The following TRIM11 variants were observed in gnomAD, a reference collection of about 807,000 sequenced individuals.
TRIM11 encodes the protein E3 ubiquitin-protein ligase TRIM11.
A neutral mutation model predicts 33.4 loss-of-function variants in TRIM11; 15 were observed. The observed-to-expected ratio is 0.45, with a 90% CI of 0.30 to 0.69. TRIM11 has a LOEUF of 0.69. Among genes scored for constraint, TRIM11 ranks in the 30% least tolerant of loss-of-function variants. The pLI is 0.08. For missense variants in TRIM11, 499 were observed against 667.6 expected, an observed-to-expected ratio of 0.75 and a Z score of 2.78; for synonymous variants, 281 against 302.6, an observed-to-expected ratio of 0.93 and a Z score of 0.74.
intron 4 of TRIM11, 27 bp from the exon 5 acceptor site, chr1:228,397,074 G>A (rs376528882): frequency 1.5e-5 from 25 of 1,613,402 alleles, no homozygotes; most frequent in Admixed American, 5.0e-5. Context: ...AGGTGTTGTC[G>A]CCATGGCCAA....
At chr1:228,399,405 G>T (rs2075012273) in intron 3 of TRIM11, among the ~76,000 whole-genome samples, 1 of 152,172 alleles carries the variant, frequency 6.6e-6, no homozygotes, top group Non-Finnish European at 1.5e-5. Context: ...TGGACGGGTG[G>T]GCCACTCAGC....
chr1:228,400,441 C>T lies in TRIM11; in HGVS notation c.735+523G>A, dbSNP rs1463629604. ...CAAGGAAAGCCCAGGCCCAGGGGGC[C>T]GGCTCAGGGAGTGGAGCCCACACAT... On this transcript the variant is annotated intron_variant, in intron 3 of 5. Transcript: ENST00000284551. This position sits in a 1 kb window ranked among gnomAD's most constrained non-coding sequence, Gnocchi z 4.5. 6.6e-6 allele frequency among the ~76,000 whole-genome samples: 1 copy of T among 152,194 alleles called. No individual in the cohort carries two copies. Among genetic ancestry groups the T allele is most frequent in the African/African-American group, 2.4e-5 (1 of 41,438 alleles).
chr1:228,404,831 C>T (rs938773971), intron 1 of TRIM11: 2 of 152,248 alleles, frequency 1.3e-5, no homozygotes, highest in South Asian at 4.1e-4. Flanking sequence ...CCACAATTCA[C>T]AAACCTTTGC....
At position 228,406,803 on chromosome 1, in the gene TRIM11, ATCCC is replaced by A. The variant is rs1656439951; in HGVS notation, c.-246_-243del. 5.8e-6 allele frequency: 1 copy of A among 171,106 alleles called. No individual in the cohort carries two copies. Among genetic ancestry groups the A allele is most frequent in the African/African-American group, 3.2e-5 (1 of 31,664 alleles). 10.6% of individuals were successfully genotyped at this position (171,106 alleles called of 1,614,324 possible). On this transcript the variant is annotated 5_prime_UTR_variant, in exon 1 of 6. Transcript: ENST00000284551. The surrounding 1 kb of genome is among the most constrained non-coding windows in gnomAD (Gnocchi z 8.2). ...CGCTCGGGGGACGCGGGACGTAGGG[ATCCC>A]GGATGCCGGCAGGAAGAGGAGCCGA...
At chr1:228,397,193 C>T (rs747244143) in intron 3 of TRIM11, 28 bp from the exon 4 acceptor site, 24 of 1,606,746 alleles carry the variant, frequency 1.5e-5, no homozygotes, top group East Asian at 4.5e-5. Flanking sequence ...ACAGCACACT[C>T]GGTGTCAGTG....
intron 3 of TRIM11, among the ~76,000 whole-genome samples, chr1:228,398,462 T>A (rs72762073): frequency 0.013 from 1,906 of 151,970 alleles, 22 homozygotes; most frequent in Non-Finnish European, 0.019. Flanking sequence ...TAAAAAAAAA[T>A]TTTAAAATTA....
At chr1:228,404,173 C>T (rs1656321287) in intron 1 of TRIM11, 1 of 152,412 alleles carries the variant, frequency 6.6e-6, no homozygotes, top group Non-Finnish European at 1.5e-5. Flanking sequence ...CCCTGGCCTC[C>T]TCCTTCCTGT....
Position 228,394,667 on chromosome 1 carries a change from G to A in TRIM11, c.*38C>T. 6.5e-7 allele frequency: 1 copy of A among 1,544,860 alleles called. No individual in the cohort carries two copies. Among genetic ancestry groups the A allele is most frequent in the Non-Finnish European group, 8.7e-7 (1 of 1,142,970 alleles). On this transcript the variant is annotated 3_prime_UTR_variant, in exon 6 of 6. Transcript: ENST00000284551. This position sits in a 1 kb window ranked among gnomAD's most constrained non-coding sequence, Gnocchi z 6.2. ...CCAAAACACTCAGTGGCCTGGAGGG[G>A]CAGGAGAGGCAACAGGACTCCTCCA... is the stretch of plus-strand genomic sequence containing the variant.
At chr1:228,398,457 A>C (rs919744636) in intron 3 of TRIM11, among the ~76,000 whole-genome samples, 1 of 152,096 alleles carries the variant, frequency 6.6e-6, no homozygotes, top group Non-Finnish European at 1.5e-5. Flanking sequence ...ATCTCTAAAA[A>C]AAAATTTTAA....
rs61758088 is a variant in TRIM11, at chr1:228,401,012, G to A, written c.687C>T (p.Ile229=). 0.013 allele frequency: 21,667 copies of A among 1,605,362 alleles called. 197 individuals carry two copies. The highest frequency in any genetic ancestry group is 0.016 in the Non-Finnish European group (19,213 of 1,175,218). Residue 229 remains isoleucine (I), a synonymous_variant, in exon 3 of 6, where the codon ATC becomes ATT. Transcript: ENST00000284551. The surrounding 1 kb of genome is among the most constrained non-coding windows in gnomAD (Gnocchi z 6.1). ...GCTGGCAGCGGCCCTCGAGCTCGGCGATGAGCTCAGCTAGGTGGGCGCTCT... is the reference window on the plus strand; with the variant it reads ...GCTGGCAGCGGCCCTCGAGCTCGGCAATGAGCTCAGCTAGGTGGGCGCTCT... The part of the protein sequence containing the change: ...GQQSAHLAEL[I]AELEGRCQLP...
In TRIM11 at chr1:228,394,363, C is replaced by A; in HGVS notation, c.*342G>T. The A allele has an allele frequency of 3.2e-6, 1 of 313,602 alleles. No individual in the cohort carries two copies. The highest frequency in any genetic ancestry group is 5.9e-6 in the Non-Finnish European group (1 of 170,914). 19.4% of individuals were successfully genotyped at this position (313,602 alleles called of 1,614,324 possible). On this transcript the variant is annotated 3_prime_UTR_variant, in exon 6 of 6. Transcript: ENST00000284551. The surrounding 1 kb of genome is among the most constrained non-coding windows in gnomAD (Gnocchi z 6.2). ...CAGGAACTGTGCAGCTTAGGTGAAC[C>A]CTGGATTCTGCAAGCCCCAGTGGAG...
chr1:228,405,899 C>A (rs1195700446), intron 1 of TRIM11: 1 of 411,972 alleles, frequency 2.4e-6, no homozygotes, highest in Non-Finnish European at 4.2e-6. Flanking sequence ...GCCCCTCACC[C>A]CCGAGAGCAG....
rs753479680 is a variant in TRIM11 at position 228,394,902 on chromosome 1, C to A, written c.1210G>T (p.Val404Leu). Reference protein sequence around the residue: ...LAPLRDPPRRVGIFLDYEAGH... With the variant: ...LAPLRDPPRRLGIFLDYEAGH... ...GCCTCGTAGTCCAGAAAGATCCCCA[C>A]GCGCCTGGGTGGGTCCCGGAGTGGA... Residue 404 changes from valine (V) to leucine (L), a missense_variant, in exon 6 of 6, where the codon GTG (valine) becomes TTG (leucine). Coordinates refer to ENST00000284551, the MANE Select transcript of TRIM11 (RefSeq NM_145214.3). This position sits in a 1 kb window ranked among gnomAD's most constrained non-coding sequence, Gnocchi z 6.2. 1 of 1,614,154 alleles carries A rather than the reference C, an allele frequency of 6.2e-7. No homozygotes were observed. The highest frequency in any genetic ancestry group is 1.3e-5 in the African/African-American group (1 of 75,030).
Position 228,401,168 on chromosome 1 carries a change from G to A in TRIM11, c.531C>T (p.Asn177=), listed in dbSNP as rs375136382. ...WQKMVESQRQ[N]VLGEFERLRR... ...GAAGACGCTCGAACTCACCCAGCACGTTCTGCCGCTGGCTCTCCACCATCT... is the reference window on the plus strand; with the variant it reads ...GAAGACGCTCGAACTCACCCAGCACATTCTGCCGCTGGCTCTCCACCATCT... The change falls in exon 3 of 6, where the codon AAC becomes AAT. Residue 177 remains asparagine, a synonymous_variant. Transcript: ENST00000284551. This position sits in a 1 kb window ranked among gnomAD's most constrained non-coding sequence, Gnocchi z 6.1. 537 of 1,613,310 alleles carry A rather than the reference G, an allele frequency of 3.3e-4. 11 individuals are homozygous for A. In the South Asian group the frequency reaches 5.5e-3, roughly 16 times the overall value.
At position 228,401,988 on chromosome 1, in the gene TRIM11, A is replaced by G. The variant is rs1324458821; in HGVS notation, c.504+78T>C. 2.9e-5 allele frequency: 35 copies of G among 1,219,026 alleles called. No homozygotes were observed. The highest frequency in any genetic ancestry group is 1.1e-6 in the Non-Finnish European group (1 of 874,338). The allele number at this position is 1,219,026 out of a possible 1,614,324, so 75.5% of individuals were successfully genotyped here. A position where few individuals can be genotyped will look rare whatever the true frequency, so the allele number is the denominator to read the frequency against. On this transcript the variant is annotated intron_variant, in intron 2 of 5. Coordinates refer to ENST00000284551, the MANE Select transcript of TRIM11 (RefSeq NM_145214.3). The surrounding 1 kb of genome is among the most constrained non-coding windows in gnomAD (Gnocchi z 6.1). ...CCAAGGGCAAGTGTGCCTGGCCAGC[A>G]TCGCCCCCTGGGGTCTCCTATACAG...
rs1227506413 is a variant in TRIM11, at chr1:228,395,320, T to C, written c.860-68A>G. 5.0e-6 allele frequency: 7 copies of C among 1,391,170 alleles called. No homozygotes were observed. Among genetic ancestry groups the C allele is most frequent in the Non-Finnish European group, 6.5e-6 (7 of 1,074,822 alleles). 86.2% of individuals were successfully genotyped at this position (1,391,170 alleles called of 1,614,324 possible). A position where few individuals can be genotyped will look rare whatever the true frequency, so the allele number is the denominator to read the frequency against. Reference sequence around the variant, plus strand: ...AAGCTGGGGCCATCTGCCCATGTCCTGGGCATGTAGGTACAATCCTCCCAG... The same window carrying C: ...AAGCTGGGGCCATCTGCCCATGTCCCGGGCATGTAGGTACAATCCTCCCAG... On this transcript the variant is annotated intron_variant, in intron 5 of 5. Coordinates refer to ENST00000284551, the MANE Select transcript of TRIM11 (RefSeq NM_145214.3). The surrounding 1 kb of genome is among the most constrained non-coding windows in gnomAD (Gnocchi z 4.8).
intron 3 of TRIM11, among the ~76,000 whole-genome samples, chr1:228,399,893 A>C (rs1211202681): frequency 1.9e-4 from 24 of 125,422 alleles, no homozygotes; most frequent in African/African-American, 1.1e-3. Flanking sequence ...AAAAAAAACA[A>C]AAAAAAAAAA....
chr1:228,394,527 C>T lies in TRIM11; in HGVS notation c.*178G>A. The T allele has an allele frequency of 1.4e-6, 1 of 732,372 alleles. No individual in the cohort carries two copies. Among genetic ancestry groups the T allele is most frequent in the Non-Finnish European group, 2.1e-6 (1 of 466,174 alleles). 45.4% of individuals were successfully genotyped at this position (732,372 alleles called of 1,614,324 possible). ...AGGACGGAGCCTGCCCCACACTCTC[C>T]CACAGTTTCCTGGAGTGCTAGAATT... On this transcript the variant is annotated 3_prime_UTR_variant, in exon 6 of 6. Coordinates refer to ENST00000284551, the MANE Select transcript of TRIM11 (RefSeq NM_145214.3). This position sits in a 1 kb window ranked among gnomAD's most constrained non-coding sequence, Gnocchi z 6.2.
chr1:228,402,016 C>A lies in TRIM11; in HGVS notation c.504+50G>T, dbSNP rs140132934. On this transcript the variant is annotated intron_variant, in intron 2 of 5. Transcript: ENST00000284551. ...GCCCCCTGGGGTCTCCTATACAGGA[C>A]CTTCACCCCCTACCCTGCCACCCAG... 8.4e-4 allele frequency: 1,291 copies of A among 1,529,748 alleles called. 10 individuals carry two copies. In the African/African-American group the frequency reaches 0.015, roughly 18 times the overall value. 94.8% of individuals were successfully genotyped at this position (1,529,748 alleles called of 1,614,324 possible).
Sources: gnomAD v4.1 joint callset for allele counts (sites outside exome capture counted in the v4.1 genomes callset) on GRCh38, gnomAD v4.1.1 for gene constraint, Gnocchi (gnomAD v3.1) non-coding constraint, MANE v1.5 for transcripts, NCBI Gene and HGNC (gene_info 2026-07-23, HGNC 2026-07-21) for gene names.